CHD1L: variants seen among roughly 807,000 people sequenced by gnomAD.
The protein encoded by CHD1L is ATP-dependent chromatin remodeler CHD1L.
A neutral mutation model predicts 115.9 loss-of-function variants in CHD1L; 118 were observed. The ratio of observed to expected loss-of-function variants is 1.02; its 90% CI spans 0.88 to 1.19. CHD1L has a LOEUF of 1.19. CHD1L is among the 50% of genes most tolerant of loss of function. The probability of loss-of-function intolerance (pLI) is 0.00; values close to 1 mark genes in which losing one functional copy is unlikely to be tolerated. For synonymous variants in CHD1L, 411 were observed against 387.1 expected (o/e 1.06, Z -0.72); for missense variants, 1,179 against 1,065.3 (o/e 1.11, Z -1.49).
At chr1:147,197,707 G>GT in the CHD1L span, among the ~76,000 whole-genome samples, 1 of 152,156 alleles carries the variant, frequency 6.6e-6, no homozygotes, top group Non-Finnish European at 1.5e-5. Flanking sequence ...AGAACTGTGA[G>GT]TGAATTAAAC....
the CHD1L span, among the ~76,000 whole-genome samples, chr1:147,222,652 T>TCA: frequency 6.6e-6 from 1 of 152,212 alleles, no homozygotes; most frequent in Non-Finnish European, 1.5e-5. Flanking sequence ...GTGTGGTCTG[T>TCA]TGGAACAGAA....
At chr1:147,178,118 G>T in the CHD1L span, 1 of 1,586,012 alleles carries the variant, frequency 6.3e-7, no homozygotes, top group South Asian at 1.1e-5. Context: ...GCCGCCATGT[G>T]CCTCCGCCGC....
At chr1:147,229,557 T>A in the CHD1L span, among the ~76,000 whole-genome samples, 1 of 152,216 alleles carries the variant, frequency 6.6e-6, no homozygotes, top group Admixed American at 6.5e-5. Context: ...AAGTCATTGG[T>A]TGCTTGATGG....
the CHD1L span, chr1:147,224,946 T>C: frequency 1.9e-5 from 30 of 1,613,888 alleles, no homozygotes; most frequent in Non-Finnish European, 2.5e-5. Flanking sequence ...AGCAGACAGG[T>C]TCCAAGCCTT....
the CHD1L span, chr1:147,186,225 A>T: frequency 3.1e-6 from 2 of 652,594 alleles, no homozygotes; most frequent in African/African-American, 4.0e-5. Context: ...TCATTGGCAG[A>T]TGGTAGATGA....
chr1:147,217,994 A>C, the CHD1L span, among the ~76,000 whole-genome samples: 1 of 152,238 alleles, frequency 6.6e-6, no homozygotes, highest in Non-Finnish European at 1.5e-5. Context: ...AGGGATATAC[A>C]GAATAAGATG....
At chr1:147,278,475 G>A (rs1174495862) in intron 14 of CHD1L, among the ~76,000 whole-genome samples, 8 of 150,866 alleles carry the variant, frequency 5.3e-5, no homozygotes, top group African/African-American at 9.7e-5. Context: ...CGTCCACCTC[G>A]GCCTCCTAAA....
At position 147,255,937 on chromosome 1, in the gene CHD1L, C is replaced by T. The variant is rs1553940037; in HGVS notation, c.462+10C>T. ...ACTGACTACCTATGAGGTATTCATT[C>T]GTTTCTCTATAGCGAGAACTCCTAA... is the stretch of plus-strand genomic sequence containing the variant. On this transcript the variant is annotated intron_variant, in intron 4 of 22. Transcript: ENST00000369258. 3.8e-6 allele frequency: 6 copies of T among 1,574,406 alleles called. No individual in the cohort carries two copies. Among genetic ancestry groups the T allele is most frequent in the Admixed American group, 1.7e-5 (1 of 59,194 alleles).
chr1:147,190,349 G>C, the CHD1L span: 1 of 742,444 alleles, frequency 1.3e-6, no homozygotes, highest in South Asian at 1.8e-5. Flanking sequence ...AGAAATACAG[G>C]GTAAGTTTCC....
the CHD1L span, among the ~76,000 whole-genome samples, chr1:147,176,804 G>A: frequency 6.6e-6 from 1 of 152,064 alleles, no homozygotes; most frequent in Admixed American, 6.5e-5. Context: ...TGTAGGGCAA[G>A]TACTTTTATC....
the CHD1L span, among the ~76,000 whole-genome samples, chr1:147,200,353 T>C: frequency 6.6e-6 from 1 of 152,132 alleles, no homozygotes; most frequent in South Asian, 2.1e-4. Flanking sequence ...TAAATCTCTC[T>C]CCGGCTTTTT....
chr1:147,189,917 T>C, the CHD1L span, among the ~76,000 whole-genome samples: 1 of 152,194 alleles, frequency 6.6e-6, no homozygotes, highest in African/African-American at 2.4e-5. Flanking sequence ...TTTATTTCCA[T>C]ATGCATTTTC....
intron 14 of CHD1L, among the ~76,000 whole-genome samples, chr1:147,279,791 T>C (rs1680085248): frequency 1.3e-5 from 2 of 152,162 alleles, no homozygotes; most frequent in Admixed American, 1.3e-4. Flanking sequence ...TTTGTTTTTA[T>C]GCAGAATTGT....
chr1:147,178,147 GTGGCGC>G, the CHD1L span: 1 of 1,607,026 alleles, frequency 6.2e-7, no homozygotes, highest in Non-Finnish European at 8.5e-7. Flanking sequence ...GTTCCCGGGC[GTGGCGC>G]TGCTTCTCGC....
the CHD1L span, among the ~76,000 whole-genome samples, chr1:147,191,986 T>C: frequency 5.9e-5 from 9 of 152,160 alleles, no homozygotes; most frequent in East Asian, 5.8e-4. Flanking sequence ...ATTGACTTGG[T>C]GATGCGGGCT....
chr1:147,265,713 T>TTAA (rs1452854126), intron 7 of CHD1L, among the ~76,000 whole-genome samples: 3 of 152,200 alleles, frequency 2.0e-5, no homozygotes, highest in African/African-American at 7.2e-5. Flanking sequence ...AAGAAGTTAT[T>TTAA]TGAGTGTTCC....
chr1:147,246,567 T>C (rs1666688328), intron 1 of CHD1L, among the ~76,000 whole-genome samples: 1 of 152,230 alleles, frequency 6.6e-6, no homozygotes, highest in Admixed American at 6.5e-5. Context: ...TGCCAGCATT[T>C]GATATTGCTA....
the CHD1L span, chr1:147,224,843 A>C: frequency 7.1e-6 from 11 of 1,554,586 alleles, no homozygotes; most frequent in Admixed American, 1.7e-4. Context: ...TGTCGTATGC[A>C]CCTAGTTGCA....
chr1:147,256,710 C>G, intron 5 of CHD1L, 148 bp downstream of exon 5: 1 of 695,010 alleles, frequency 1.4e-6, no homozygotes, highest in Non-Finnish European at 2.5e-6. Flanking sequence ...GGTGGGAGTC[C>G]TGTGTTTACA....
Sources: gnomAD v4.1 joint callset for allele counts (sites outside exome capture counted in the v4.1 genomes callset) on GRCh38, gnomAD v4.1.1 for gene constraint, MANE v1.5 for transcripts, NCBI Gene and HGNC (gene_info 2026-07-23, HGNC 2026-07-21) for gene names.